The following DMD variants were observed in gnomAD, a reference collection of about 807,000 sequenced individuals.
DMD encodes the protein mutant dystrophin.
DMD carries 63 observed loss-of-function variants against 330.1 expected under a neutral mutation model. The ratio of observed to expected loss-of-function variants is 0.19; its 90% CI spans 0.16 to 0.24. The LOEUF (loss-of-function observed/expected upper bound fraction) is 0.24. Ranked by LOEUF, DMD falls within the 10% of genes least tolerant of loss-of-function variation. DMD has a pLI of 1.00. For synonymous variants in DMD, 1,223 were observed against 959.8 expected (o/e 1.27, Z -5.07); for missense variants, 3,344 against 2,684.1 (o/e 1.25, Z -5.43).
intron 2 of DMD, among the ~76,000 whole-genome samples, chrX:32,987,245 A>G (rs914064185): frequency 8.9e-6 from 1 of 112,011 alleles, no homozygotes; most frequent in African/African-American, 3.2e-5. Context: ...GTAAAGCTAG[A>G]CGGATCAAAA....
At chrX:31,262,080 G>A (rs1015717442) in intron 62 of DMD, among the ~76,000 whole-genome samples, 3 of 112,492 alleles carry the variant, frequency 2.7e-5, no homozygotes, top group African/African-American at 9.7e-5. Flanking sequence ...TGGCCTTAGC[G>A]TATGTTTTGA....
At position 32,438,326 on chromosome X, in the gene DMD, G is replaced by A. The variant is rs770827878; in HGVS notation, c.3986C>T (p.Thr1329Ile). The A allele has an allele frequency of 1.7e-5, 21 of 1,209,304 alleles. No homozygotes were observed. Among genetic ancestry groups the A allele is most frequent in the Non-Finnish European group, 2.3e-5 (21 of 894,810 alleles). ...ATCCATGACTCCGCCATCTGTTAGG[G>A]TCTGTGCCAATATGCGAATCTGATT... is the stretch of plus-strand genomic sequence containing the variant. ...NPNQIRILAQ[T>I]LTDGGVMDEL... The change falls in exon 29 of 79, where the codon ACC becomes ATC. Residue 1329 changes from threonine (T) to isoleucine (I), a missense_variant. Physicochemically the swap from Thr to Ile is moderately conservative, Grantham distance 89. Coordinates refer to ENST00000357033, the MANE Select transcript of DMD (RefSeq NM_004006.3).
At chrX:32,777,277 T>TTGGG (rs2074252148) in intron 7 of DMD, among the ~76,000 whole-genome samples, 29 of 2,107 alleles carry the variant, frequency 0.014, 3 homozygotes, top group Non-Finnish European at 0.018. Flanking sequence ...GGTTTCTGGT[T>TTGGG]GGGGGGGGAA....
At chrX:32,597,194 A>C (rs1208771719) in intron 12 of DMD, among the ~76,000 whole-genome samples, 3 of 111,838 alleles carry the variant, frequency 2.7e-5, no homozygotes, top group Non-Finnish European at 3.8e-5. Flanking sequence ...GCTTTTCATG[A>C]GCAAACTATC....
intron 61 of DMD, among the ~76,000 whole-genome samples, chrX:31,331,153 C>T (rs776757399): frequency 7.3e-4 from 81 of 111,565 alleles, no homozygotes; most frequent in African/African-American, 2.5e-3. Context: ...AAATTCCTAA[C>T]GAATAACAAC....
intron 7 of DMD, among the ~76,000 whole-genome samples, chrX:32,735,338 G>A (rs2068305916): frequency 9.1e-6 from 1 of 110,417 alleles, no homozygotes; most frequent in Non-Finnish European, 1.9e-5. Flanking sequence ...TGGCCATACT[G>A]CCCAAGGTAA....
chrX:32,092,667 T>C (rs2096482424), intron 44 of DMD, among the ~76,000 whole-genome samples: 2 of 107,489 alleles, frequency 1.9e-5, no homozygotes, highest in East Asian at 2.9e-4. Flanking sequence ...GAAACAGCTA[T>C]GCAGTGGAGT....
chrX:31,833,012 T>C (rs1350605645), intron 49 of DMD, among the ~76,000 whole-genome samples: 1 of 111,243 alleles, frequency 9.0e-6, no homozygotes, highest in Admixed American at 9.6e-5. Flanking sequence ...TTGTTACTGA[T>C]AGCAGTTGTT....
At chrX:31,902,565 G>A (rs758861884) in intron 47 of DMD, among the ~76,000 whole-genome samples, 26 of 111,562 alleles carry the variant, frequency 2.3e-4, no homozygotes, top group Non-Finnish European at 4.5e-4. Flanking sequence ...TAGGCAAAGC[G>A]ATATAAGAGC....
At chrX:31,158,369 T>G (rs909462983) in intron 74 of DMD, among the ~76,000 whole-genome samples, 4 of 112,277 alleles carry the variant, frequency 3.6e-5, no homozygotes, top group African/African-American at 1.3e-4. Flanking sequence ...TTGTATTATT[T>G]CATTTACATT....
chrX:31,967,062 G>C (rs910973916), intron 45 of DMD, among the ~76,000 whole-genome samples: 1 of 109,456 alleles, frequency 9.1e-6, no homozygotes, highest in Non-Finnish European at 1.9e-5. Flanking sequence ...CATTATACAG[G>C]TTTATACCTG....
intron 1 of DMD, among the ~76,000 whole-genome samples, chrX:33,136,670 G>A (rs773819565): frequency 2.7e-5 from 3 of 110,498 alleles, no homozygotes; most frequent in Admixed American, 2.0e-4. Flanking sequence ...AGTATGTGAG[G>A]GTAAAGGAAG....
At chrX:32,408,940 C>G (rs1354635560) in intron 30 of DMD, among the ~76,000 whole-genome samples, 1 of 109,358 alleles carries the variant, frequency 9.1e-6, no homozygotes, top group Admixed American at 9.9e-5. Context: ...ATCCATCCAT[C>G]TATCCACCCC....
chrX:32,652,812 T>C, intron 9 of DMD, among the ~76,000 whole-genome samples: 1 of 111,762 alleles, frequency 8.9e-6, no homozygotes. Context: ...CTCCACATCC[T>C]CTCCAGCACC....
intron 9 of DMD, among the ~76,000 whole-genome samples, chrX:32,666,965 G>A (rs888973234): frequency 7.2e-5 from 8 of 111,012 alleles, no homozygotes; most frequent in African/African-American, 2.6e-4. Flanking sequence ...AAAGATATCC[G>A]GGCTTCTATG....
At chrX:31,250,179 T>C (rs1445729994) in intron 63 of DMD, among the ~76,000 whole-genome samples, 2 of 111,924 alleles carry the variant, frequency 1.8e-5, no homozygotes, top group Non-Finnish European at 3.8e-5. Context: ...AGAGTGCATA[T>C]ATCACAGTTT....
At chrX:31,537,210 C>A (rs949148101) in intron 55 of DMD, among the ~76,000 whole-genome samples, 2 of 111,770 alleles carry the variant, frequency 1.8e-5, no homozygotes, top group Non-Finnish European at 3.8e-5. Context: ...GTATTTGACA[C>A]CTCTAAATGT....
intron 17 of DMD, among the ~76,000 whole-genome samples, chrX:32,540,424 T>C (rs1345971229): frequency 1.8e-5 from 2 of 111,772 alleles, no homozygotes; most frequent in African/African-American, 3.2e-5. Context: ...GAAAGCTGAA[T>C]TTTAAATCCC....
intron 44 of DMD, among the ~76,000 whole-genome samples, chrX:32,130,388 T>A (rs1418095623): frequency 1.0e-4 from 11 of 109,926 alleles, no homozygotes; most frequent in Admixed American, 3.9e-4. Flanking sequence ...ACACTGAGTT[T>A]TATATATATA....
Sources: allele counts gnomAD v4.1 joint callset (sites outside exome capture counted in the v4.1 genomes callset), GRCh38; gene constraint gnomAD v4.1.1; transcripts MANE v1.5; gene names NCBI Gene and HGNC (gene_info 2026-07-23, HGNC 2026-07-21).